TSPAN1: variants seen among roughly 807,000 people sequenced by gnomAD.
The protein encoded by TSPAN1 is tetraspanin 1.
Under a neutral mutation model 26.9 loss-of-function variants are expected in TSPAN1, and 23 were observed. That is an observed-to-expected ratio of 0.85 (90% CI 0.62 to 1.21). TSPAN1 has a LOEUF of 1.21. TSPAN1 is among the 50% of genes most tolerant of loss of function. The pLI is 0.00. For missense variants in TSPAN1, 283 were observed against 298.4 expected, an observed-to-expected ratio of 0.95 and a Z score of 0.38; for synonymous variants, 115 against 114.8, an observed-to-expected ratio of 1.00 and a Z score of -0.01.
At position 46,185,851 on chromosome 1, in the gene TSPAN1, G is replaced by A. The variant is rs1657418503; in HGVS notation, c.*318G>A. The A allele has an allele frequency of 4.7e-6, 2 of 422,152 alleles. No individual in the cohort carries two copies. Among genetic ancestry groups the A allele is most frequent in the Non-Finnish European group, 8.5e-6 (2 of 234,340 alleles). 26.2% of individuals were successfully genotyped at this position (422,152 alleles called of 1,614,324 possible). On this transcript the variant is annotated 3_prime_UTR_variant, in exon 9 of 9. Coordinates refer to ENST00000372003, the MANE Select transcript of TSPAN1 (RefSeq NM_005727.4). ...CTAGTGGTGATCCCAGTGCTCTACT[G>A]GGGGATGAGAGAAAGGCATTTTATA...
chr1:46,192,009 A>C, the TSPAN1 span: 5 of 1,492,124 alleles, frequency 3.4e-6, no homozygotes, highest in African/African-American at 6.9e-5. Flanking sequence ...CATGGCTAGC[A>C]AGTAGCAGAG....
rs778498995 is a variant in TSPAN1, at chr1:46,181,208, C to T, written c.57+44C>T. ...GACTCTTTGGGGCTCCCTATAGGAG[C>T]AGGTCACAAGCTGAGTAGAGACTAA... is the stretch of plus-strand genomic sequence containing the variant. On this transcript the variant is annotated intron_variant, in intron 3 of 8. Coordinates refer to ENST00000372003, the MANE Select transcript of TSPAN1 (RefSeq NM_005727.4). 7.0e-6 allele frequency: 11 copies of T among 1,582,576 alleles called. No homozygotes were observed. The South Asian group carries it at 1.2e-4, about 18-fold the overall frequency.
chr1:46,175,871 GGT>G, intron 1 of TSPAN1: 2 of 402,600 alleles, frequency 5.0e-6, no homozygotes, highest in Admixed American at 8.6e-5. Flanking sequence ...CACTGGCTCT[GGT>G]TTTTTTTTTT....
At chr1:46,175,968 G>A in intron 1 of TSPAN1, 4 of 521,474 alleles carry the variant, frequency 7.7e-6, no homozygotes, top group Non-Finnish European at 1.0e-5. Flanking sequence ...TGCCTCCCGG[G>A]TTCAAGCAAT....
the TSPAN1 span, chr1:46,192,215 A>G: frequency 1.7e-5 from 27 of 1,614,032 alleles, no homozygotes; most frequent in South Asian, 4.4e-5. Context: ...ACATGTCCCA[A>G]TCCCAGAGCT....
chr1:46,181,672 A>G (rs1657318998), intron 3 of TSPAN1, among the ~76,000 whole-genome samples: 1 of 152,228 alleles, frequency 6.6e-6, no homozygotes, highest in Admixed American at 6.5e-5. Context: ...CTGGGGTGGC[A>G]GGTAAGCAAA....
In TSPAN1 at chr1:46,185,734, TG is replaced by T; in HGVS notation, c.*203del. On this transcript the variant is annotated 3_prime_UTR_variant, in exon 9 of 9. Transcript: ENST00000372003. ...GCCTGACTTTCCTTCCATTGGTGGG[TG>T]GATGGGTGGGGGGCATTCCAGAGCC... The T allele has an allele frequency of 3.2e-6, 2 of 634,192 alleles. No homozygotes were observed. 39.3% of individuals were successfully genotyped at this position (634,192 alleles called of 1,614,324 possible).
the TSPAN1 span, chr1:46,194,145 C>T: frequency 1.0e-4 from 162 of 1,566,784 alleles, no homozygotes; most frequent in Non-Finnish European, 1.3e-4. Flanking sequence ...TCTTTCAGAG[C>T]GCAGTGTAAA....
intron 1 of TSPAN1, among the ~76,000 whole-genome samples, chr1:46,178,758 G>A (rs1016734773): frequency 6.6e-6 from 1 of 152,172 alleles, no homozygotes; most frequent in African/African-American, 2.4e-5. Flanking sequence ...TCTGGTGCCA[G>A]ACTAACTGGG....
At chr1:46,175,830 G>A (rs11582906) in intron 1 of TSPAN1, 20,721 of 431,094 alleles carry the variant, frequency 0.048, 666 homozygotes, top group Non-Finnish European at 0.058. Flanking sequence ...ATCCTTTGGC[G>A]TGCCTAAACA....
rs1361236137 is a variant in TSPAN1 at position 46,185,833 on chromosome 1, T to C, written c.*300T>C. ...TTGATATGCCCCCTAGGCCTAGTGG[T>C]GATCCCAGTGCTCTACTGGGGGATG... is the stretch of plus-strand genomic sequence containing the variant. On this transcript the variant is annotated 3_prime_UTR_variant, in exon 9 of 9. Transcript: ENST00000372003. 2.0e-6 allele frequency: 1 copy of C among 490,276 alleles called. No individual in the cohort carries two copies. The highest frequency in any genetic ancestry group is 3.7e-6 in the Non-Finnish European group (1 of 272,176). 30.4% of individuals were successfully genotyped at this position (490,276 alleles called of 1,614,324 possible).
chr1:46,193,227 G>T, the TSPAN1 span: 11 of 1,614,088 alleles, frequency 6.8e-6, no homozygotes, highest in Admixed American at 1.7e-5. Context: ...TGGGAGTGGG[G>T]TGGGAATAGG....
At chr1:46,194,000 CAGGTG>C in the TSPAN1 span, 1 of 1,593,506 alleles carries the variant, frequency 6.3e-7, no homozygotes, top group Non-Finnish European at 8.5e-7. Context: ...GAAGACTTCT[CAGGTG>C]AGGGTAGGTG....
the TSPAN1 span, chr1:46,196,095 C>A: frequency 6.2e-7 from 1 of 1,613,870 alleles, no homozygotes; most frequent in Non-Finnish European, 8.5e-7. The surrounding 1 kb of genome is among the most constrained non-coding windows in gnomAD (Gnocchi z 4.4). Flanking sequence ...GTGGCAGAGA[C>A]AAAGTCCAGC....
downstream of TSPAN1, chr1:46,190,600 A>T (rs1657688473): frequency 6.5e-7 from 1 of 1,533,862 alleles, no homozygotes; most frequent in Admixed American, 1.7e-5. Flanking sequence ...AAGGGGTCAC[A>T]TGGGAATCTG....
In TSPAN1 at chr1:46,182,886, G is replaced by A. The variant is rs144475352; in HGVS notation, c.58-1305G>A. 2.5e-3 allele frequency among the ~76,000 whole-genome samples: 381 copies of A among 152,240 alleles called. 1 individual carries two copies. The highest frequency in any genetic ancestry group is 3.9e-3 in the Non-Finnish European group (266 of 68,020). ...TGCAGTGGCATGATCATGGCTTACT[G>A]CAGCGTCAACCTCCTGGGCTCAAGG... On this transcript the variant is annotated intron_variant, in intron 3 of 8. Transcript: ENST00000372003.
downstream of TSPAN1, chr1:46,189,367 T>C (rs773132049): frequency 1.2e-6 from 2 of 1,613,910 alleles, no homozygotes; most frequent in South Asian, 2.2e-5. Context: ...TCTGGGAAAA[T>C]AATACAAGAA....
downstream of TSPAN1, among the ~76,000 whole-genome samples, chr1:46,187,413 C>T (rs1325562277): frequency 6.6e-6 from 1 of 152,168 alleles, no homozygotes; most frequent in African/African-American, 2.4e-5. Flanking sequence ...GCCTAACAAA[C>T]CAGTCCCCCT....
At chr1:46,186,753 CTG>C (rs1491146870), downstream of TSPAN1, among the ~76,000 whole-genome samples, 9 of 150,760 alleles carry the variant, frequency 6.0e-5, no homozygotes, top group African/African-American at 2.2e-4. Context: ...GCTCCGCCCC[CTG>C]GGGTTCACGC....
Sources: allele counts gnomAD v4.1 joint callset (sites outside exome capture counted in the v4.1 genomes callset), GRCh38; gene constraint gnomAD v4.1.1; non-coding constraint Gnocchi (gnomAD v3.1); transcripts MANE v1.5; gene names NCBI Gene and HGNC (gene_info 2026-07-23, HGNC 2026-07-21).